FREM2: variants seen among roughly 807,000 people sequenced by gnomAD.
The protein encoded by FREM2 is FRAS1-related extracellular matrix protein 2.
In FREM2, 119 loss-of-function variants were observed where a neutral mutation model predicts 219.9. The ratio of observed to expected loss-of-function variants is 0.54; its 90% CI spans 0.47 to 0.63. The LOEUF is 0.63. FREM2 is among the 30% of genes least tolerant of loss of function. FREM2 has a pLI of 0.00. For synonymous variants in FREM2, 1,562 were observed against 1,522.8 expected, an observed-to-expected ratio of 1.03 and a Z score of -0.60; for missense variants, 4,030 against 3,993.6, an observed-to-expected ratio of 1.01 and a Z score of -0.25.
At position 38,885,089 on chromosome 13, in the gene FREM2, A is replaced by G. The variant is rs1878682766; in HGVS notation, c.*4302A>G. On this transcript the variant is annotated 3_prime_UTR_variant, in exon 24 of 24. Transcript: ENST00000280481. ...TCTCCCCTTTTCCATGGATTTTGATACTAAGAAACAAAATGCTTTGAGATT... is the reference window on the plus strand; with the variant it reads ...TCTCCCCTTTTCCATGGATTTTGATGCTAAGAAACAAAATGCTTTGAGATT... The G allele has an allele frequency of 6.6e-6, 1 of 152,198 alleles. No individual in the cohort carries two copies. The highest frequency in any genetic ancestry group is 1.5e-5 in the Non-Finnish European group (1 of 68,004). 9.4% of individuals were successfully genotyped at this position (152,198 alleles called of 1,614,324 possible). A position where few individuals can be genotyped will look rare whatever the true frequency, so the allele number is the denominator to read the frequency against.
At chr13:38,744,980 C>T (rs1872408142) in intron 2 of FREM2, among the ~76,000 whole-genome samples, 1 of 152,180 alleles carries the variant, frequency 6.6e-6, no homozygotes, top group South Asian at 2.1e-4. Context: ...CACTGAATCA[C>T]CTGTTTTGCA....
intron 6 of FREM2, among the ~76,000 whole-genome samples, chr13:38,804,099 T>A (rs1875127032): frequency 6.6e-6 from 1 of 152,018 alleles, no homozygotes; most frequent in South Asian, 2.1e-4. Context: ...AAAGTCACAT[T>A]CTGTATTTGG....
intron 4 of FREM2, among the ~76,000 whole-genome samples, chr13:38,782,223 ACTGT>A (rs1316245861): frequency 6.6e-6 from 1 of 152,192 alleles, no homozygotes; most frequent in Non-Finnish European, 1.5e-5. Context: ...TGGGTGTGAG[ACTGT>A]CTGTGAAACA....
chr13:38,823,551 G>C (rs1566155534), intron 6 of FREM2, among the ~76,000 whole-genome samples: 1 of 151,918 alleles, frequency 6.6e-6, no homozygotes, highest in Non-Finnish European at 1.5e-5. Flanking sequence ...AACATATGAG[G>C]CTGTCTACTT....
rs1371668390 is a variant in FREM2 at position 38,882,030 on chromosome 13, A to G, written c.*1243A>G. ...CGCTCTGGCATCCCCAGTTCAGTGAACTGGTACAATGTGGTCCCTCTCAAT... is the reference window on the plus strand; with the variant it reads ...CGCTCTGGCATCCCCAGTTCAGTGAGCTGGTACAATGTGGTCCCTCTCAAT... On this transcript the variant is annotated 3_prime_UTR_variant, in exon 24 of 24. Transcript: ENST00000280481. 6.6e-6 allele frequency: 1 copy of G among 152,166 alleles called. No homozygotes were observed. Among genetic ancestry groups the G allele is most frequent in the African/African-American group, 2.4e-5 (1 of 41,446 alleles). The allele number at this position is 152,166 out of a possible 1,614,324, so 9.4% of individuals were successfully genotyped here.
Position 38,689,689 on chromosome 13 carries a change from A to G in FREM2, c.2345A>G (p.His782Arg). The part of the protein sequence containing the change: ...THFTQAQINH[H>R]KIAYRPPGQE... ...TTTACCCAAGCCCAGATCAACCATC[A>G]TAAAATTGCTTACAGACCCCCGGGT... The change falls in exon 1 of 24, where the codon CAT (histidine) becomes CGT (arginine). Residue 782 changes from histidine to arginine, a missense_variant. Physicochemically the swap from His to Arg is conservative, Grantham distance 29. Coordinates refer to ENST00000280481, the MANE Select transcript of FREM2 (RefSeq NM_207361.6). 2 of 1,614,108 alleles carry G rather than the reference A, an allele frequency of 1.2e-6. No homozygotes were observed. Among genetic ancestry groups the G allele is most frequent in the Non-Finnish European group, 1.7e-6 (2 of 1,180,020 alleles).
chr13:38,755,378 G>A (rs994380654), intron 2 of FREM2, among the ~76,000 whole-genome samples: 1 of 152,084 alleles, frequency 6.6e-6, no homozygotes, highest in Non-Finnish European at 1.5e-5. Context: ...CCACATAACT[G>A]TGTGGTGATA....
intron 6 of FREM2, among the ~76,000 whole-genome samples, chr13:38,833,490 C>A (rs993132748): frequency 6.6e-6 from 1 of 152,086 alleles, no homozygotes; most frequent in Non-Finnish European, 1.5e-5. Flanking sequence ...ACCATCTGAG[C>A]AACCAAGTTT....
chr13:38,786,415 C>G (rs1180226984), intron 6 of FREM2, among the ~76,000 whole-genome samples: 1 of 152,098 alleles, frequency 6.6e-6, no homozygotes, highest in African/African-American at 2.4e-5. Flanking sequence ...ATAAGCTGCT[C>G]TAATATTTTT....
chr13:38,748,443 CA>C (rs1157236892), intron 2 of FREM2, among the ~76,000 whole-genome samples: 1 of 152,158 alleles, frequency 6.6e-6, no homozygotes, highest in African/African-American at 2.4e-5. Context: ...ATGTGACCTG[CA>C]TGTGATTGAT....
chr13:38,838,068 A>G (rs1008921375), intron 6 of FREM2, among the ~76,000 whole-genome samples: 3 of 151,960 alleles, frequency 2.0e-5, no homozygotes, highest in African/African-American at 7.3e-5. Context: ...TAGTCTTTAC[A>G]TTTTGGTTTG....
rs201675703 is a variant in FREM2 at position 38,688,162 on chromosome 13, G to C, written c.818G>C (p.Arg273Pro). 2.8e-5 allele frequency: 45 copies of C among 1,613,506 alleles called. No homozygotes were observed. The highest frequency in any genetic ancestry group is 3.7e-5 in the Non-Finnish European group (44 of 1,179,790). Residue 273 changes from arginine to proline, a missense_variant, in exon 1 of 24, where the codon CGC becomes CCC. Physicochemically the swap from Arg to Pro is moderately radical, Grantham distance 103. Around this residue, in one of 2 missense-constraint regions of FREM2, gnomAD observed 3,102 missense variants for 2,950.7 expected, o/e 1.05. Coordinates refer to ENST00000280481, the MANE Select transcript of FREM2 (RefSeq NM_207361.6). ...GVRYRHTAAS[R>P]SPNRDWIPMV... ...CGCTATCGCCACACAGCCGCCAGTCGCTCACCAAACAGGGACTGGATACCC... is the reference window on the plus strand; with the variant it reads ...CGCTATCGCCACACAGCCGCCAGTCCCTCACCAAACAGGGACTGGATACCC...
chr13:38,734,607 T>G (rs1015068979), intron 2 of FREM2, among the ~76,000 whole-genome samples: 5 of 152,246 alleles, frequency 3.3e-5, no homozygotes, highest in Middle Eastern at 3.4e-3. Flanking sequence ...CTGAAGAAAT[T>G]TAAAGCATTC....
intron 11 of FREM2, among the ~76,000 whole-genome samples, chr13:38,853,780 C>T (rs1016993437): frequency 3.3e-5 from 5 of 152,092 alleles, no homozygotes; most frequent in Non-Finnish European, 7.4e-5. Flanking sequence ...AACTGATTAG[C>T]TACTGAATTA....
In FREM2 at chr13:38,861,402, G is replaced by A. The variant is rs377479850; in HGVS notation, c.7520-29G>A. On this transcript the variant is annotated intron_variant, in intron 14 of 23. Transcript: ENST00000280481. ...AGGTATTATTGATTACCTTCTTTTCGCATAAATATGGTCTTTTTTTTTTTC... is the reference window on the plus strand; with the variant it reads ...AGGTATTATTGATTACCTTCTTTTCACATAAATATGGTCTTTTTTTTTTTC... 5.5e-5 allele frequency: 89 copies of A among 1,605,574 alleles called. 1 individual carries two copies. Among genetic ancestry groups the A allele is most frequent in the South Asian group, 3.9e-4 (35 of 90,242 alleles).
chr13:38,762,080 G>C, intron 2 of FREM2, among the ~76,000 whole-genome samples: 1 of 152,190 alleles, frequency 6.6e-6, no homozygotes, highest in East Asian at 1.9e-4. Flanking sequence ...GGCAGAGTGA[G>C]CTTGCATTTG....
At chr13:38,874,247 G>A (rs1404214287) in intron 17 of FREM2, among the ~76,000 whole-genome samples, 1 of 152,092 alleles carries the variant, frequency 6.6e-6, no homozygotes, top group Non-Finnish European at 1.5e-5. Context: ...TAAGTAATCT[G>A]TGTATTTCAT....
chr13:38,877,400 G>A (rs914670574), intron 21 of FREM2, among the ~76,000 whole-genome samples, 157 bp downstream of exon 21: 9 of 152,140 alleles, frequency 5.9e-5, no homozygotes, highest in South Asian at 2.1e-4. Flanking sequence ...GTGGGAAGTC[G>A]TTGCGATTGG....
chr13:38,873,886 A>G (rs2137935238), intron 17 of FREM2, among the ~76,000 whole-genome samples: 1 of 152,308 alleles, frequency 6.6e-6, no homozygotes, highest in East Asian at 1.9e-4. Flanking sequence ...AGGTAATATG[A>G]TAACCCTGAG....
Sources: gnomAD v4.1 joint callset for allele counts (sites outside exome capture counted in the v4.1 genomes callset) on GRCh38, gnomAD v4.1.1 for gene constraint, gnomAD v4.1.1 regional missense constraint, MANE v1.5 for transcripts, NCBI Gene and HGNC (gene_info 2026-07-23, HGNC 2026-07-21) for gene names.